The following PLXNA4 variants were observed in gnomAD, a reference collection of about 807,000 sequenced individuals.
PLXNA4 encodes plexin A4, also known as plexin-A4.
PLXNA4 carries 44 observed loss-of-function variants against 191.8 expected under a neutral mutation model. The observed-to-expected ratio is 0.23, with a 90% confidence interval of 0.18 to 0.29. The LOEUF is 0.29. Among genes scored for constraint, PLXNA4 ranks in the 10% least tolerant of loss-of-function variants. The pLI, the probability that PLXNA4 is intolerant of heterozygous loss-of-function variation, is 1.00. For missense variants in PLXNA4, 1,800 were observed against 2,488.8 expected (o/e 0.72, Z 5.89); for synonymous variants, 1,082 against 1,009.5 (o/e 1.07, Z -1.36).
At chr7:132,183,614 A>G (rs968026280) in intron 16 of PLXNA4, among the ~76,000 whole-genome samples, 2 of 152,234 alleles carry the variant, frequency 1.3e-5, no homozygotes, top group African/African-American at 4.8e-5. Flanking sequence ...AATTTCGCAG[A>G]GAGTTGCAAA....
chr7:132,151,544 A>AGG (rs1795638585), intron 25 of PLXNA4, among the ~76,000 whole-genome samples: 1 of 32,656 alleles, frequency 3.1e-5, no homozygotes, highest in African/African-American at 1.1e-4. Context: ...GGAGGAGGAG[A>AGG]AAGGAGGAGG....
intron 3 of PLXNA4, among the ~76,000 whole-genome samples, chr7:132,451,482 G>A (rs966028034): frequency 1.3e-5 from 2 of 152,250 alleles, no homozygotes; most frequent in Admixed American, 6.5e-5. Context: ...TGGTACTCGG[G>A]AAGTTGGGAA....
chr7:132,359,064 C>T (rs888316199), intron 3 of PLXNA4, among the ~76,000 whole-genome samples: 1 of 152,180 alleles, frequency 6.6e-6, no homozygotes, highest in Non-Finnish European at 1.5e-5. Context: ...CTGAGAAAGC[C>T]ATTCGACCTT....
chr7:132,484,998 G>T, intron 3 of PLXNA4: 3 of 1,614,082 alleles, frequency 1.9e-6, no homozygotes, highest in Non-Finnish European at 2.5e-6. Flanking sequence ...CCCCCTTGTG[G>T]ACCTGTGCCG....
chr7:132,311,478 T>C (rs780838428), intron 3 of PLXNA4, among the ~76,000 whole-genome samples: 3 of 152,162 alleles, frequency 2.0e-5, no homozygotes, highest in Non-Finnish European at 4.4e-5. Flanking sequence ...CACTAGCCAG[T>C]AAGTGGAGCA....
intron 4 of PLXNA4, among the ~76,000 whole-genome samples, chr7:132,267,100 C>G (rs1430760831): frequency 2.6e-5 from 4 of 152,266 alleles, no homozygotes; most frequent in South Asian, 2.1e-4. Flanking sequence ...ACATAACCAC[C>G]CAAGTAAGGA....
At chr7:132,345,956 C>T (rs1003060348) in intron 3 of PLXNA4, among the ~76,000 whole-genome samples, 19 of 152,182 alleles carry the variant, frequency 1.2e-4, no homozygotes, top group African/African-American at 3.1e-4. Context: ...CCATCTGCTG[C>T]GTGAGCTACA....
At chr7:132,442,727 C>T (rs759132466) in intron 3 of PLXNA4, among the ~76,000 whole-genome samples, 1 of 152,228 alleles carries the variant, frequency 6.6e-6, no homozygotes, top group Non-Finnish European at 1.5e-5. Context: ...AGTCCCAGGC[C>T]AACCTGACCT....
chr7:132,233,577 A>C (rs976108526), intron 5 of PLXNA4, among the ~76,000 whole-genome samples: 3 of 152,220 alleles, frequency 2.0e-5, no homozygotes, highest in Admixed American at 1.3e-4. Flanking sequence ...GTCCTTTGCC[A>C]TCTCTAAAGA....
intron 2 of PLXNA4, among the ~76,000 whole-genome samples, chr7:132,614,673 A>C (rs570182133): frequency 6.6e-6 from 1 of 152,260 alleles, no homozygotes; most frequent in Admixed American, 6.5e-5. Flanking sequence ...GCCTGGCCAC[A>C]GCTGACGGGA....
At chr7:132,589,893 C>A (rs960311654) in intron 2 of PLXNA4, among the ~76,000 whole-genome samples, 6 of 152,016 alleles carry the variant, frequency 3.9e-5, no homozygotes, top group Non-Finnish European at 1.5e-5. Flanking sequence ...AGCCAGCAGA[C>A]GAGAGAAGAT....
chr7:132,186,157 T>C (rs1398119242), intron 15 of PLXNA4, among the ~76,000 whole-genome samples: 3 of 152,226 alleles, frequency 2.0e-5, no homozygotes, highest in Non-Finnish European at 4.4e-5. Flanking sequence ...TCCAGCCACA[T>C]TGCCTAGAGT....
chr7:132,325,043 G>A (rs189703179), intron 3 of PLXNA4, among the ~76,000 whole-genome samples: 39 of 152,274 alleles, frequency 2.6e-4, no homozygotes, highest in Admixed American at 2.5e-3. Flanking sequence ...CAACACTCCT[G>A]TAACGCATCA....
chr7:132,374,092 G>A (rs1433388), intron 3 of PLXNA4, among the ~76,000 whole-genome samples: 2 of 151,978 alleles, frequency 1.3e-5, no homozygotes, highest in African/African-American at 4.8e-5. Flanking sequence ...TGACCTGCAC[G>A]AAGTGAAGAT....
chr7:132,234,318 T>C (rs1477133858), intron 5 of PLXNA4, among the ~76,000 whole-genome samples: 1 of 152,212 alleles, frequency 6.6e-6, no homozygotes, highest in Non-Finnish European at 1.5e-5. Context: ...TCCAGTAGGC[T>C]TGGTGCAGGG....
chr7:132,371,804 TACAC>T (rs1376431849), intron 3 of PLXNA4, among the ~76,000 whole-genome samples: 1 of 151,986 alleles, frequency 6.6e-6, no homozygotes, highest in Non-Finnish European at 1.5e-5. Context: ...CACACACACA[TACAC>T]ACACTCACAC....
chr7:132,125,027 A>C lies in PLXNA4; in HGVS notation c.*5452T>G, dbSNP rs972654502. On this transcript the variant is annotated 3_prime_UTR_variant, in exon 32 of 32. Coordinates refer to ENST00000321063, the MANE Select transcript of PLXNA4 (RefSeq NM_020911.2). ...TAAAATAATTTTATGGGGGAGCAAA[A>C]ATTTGTAGTAAAAAAAAAAAAACTC... is the stretch of plus-strand genomic sequence containing the variant. 9 of 151,946 alleles carry C rather than the reference A, an allele frequency of 5.9e-5. No individual in the cohort carries two copies. The highest frequency in any genetic ancestry group is 1.2e-4 in the Non-Finnish European group (8 of 68,032). The allele number at this position is 151,946 out of a possible 1,614,324, so 9.4% of individuals were successfully genotyped here.
upstream of PLXNA4, among the ~76,000 whole-genome samples, chr7:132,580,609 G>T (rs185055485): frequency 1.8e-4 from 28 of 152,208 alleles, no homozygotes; most frequent in East Asian, 4.8e-3. Flanking sequence ...AAAAAGTATT[G>T]GTTCATCTCC....
chr7:132,589,492 G>T (rs1802566955), intron 2 of PLXNA4, among the ~76,000 whole-genome samples: 1 of 152,172 alleles, frequency 6.6e-6, no homozygotes, highest in Admixed American at 6.5e-5. Context: ...TGCACAGGAA[G>T]CTCTGATTAT....
Sources: gnomAD v4.1 joint callset for allele counts (sites outside exome capture counted in the v4.1 genomes callset) on GRCh38, gnomAD v4.1.1 for gene constraint, MANE v1.5 for transcripts, NCBI Gene and HGNC (gene_info 2026-07-23, HGNC 2026-07-21) for gene names.